Variants in ATG7 observed in about 807,000 individuals in gnomAD.
The protein encoded by ATG7 is ubiquitin-like modifier-activating enzyme ATG7.
Under a neutral mutation model 82.4 loss-of-function variants are expected in ATG7, and 70 were observed. The ratio of observed to expected loss-of-function variants is 0.85; its 90% CI spans 0.70 to 1.04. The LOEUF (loss-of-function observed/expected upper bound fraction) is 1.04, where lower values mean the gene tolerates loss of function less well. ATG7 is among the 50% of genes least tolerant of loss of function. The probability of loss-of-function intolerance (pLI) is 0.00; values close to 1 mark genes in which losing one functional copy is unlikely to be tolerated. For synonymous variants in ATG7, 287 were observed against 313.0 expected (o/e 0.92, Z 0.88); for missense variants, 792 against 864.3 (o/e 0.92, Z 1.05).
At chr3:11,385,584 TC>T (rs1439559262) in intron 19 of ATG7, among the ~76,000 whole-genome samples, 1 of 152,164 alleles carries the variant, frequency 6.6e-6, no homozygotes, top group Non-Finnish European at 1.5e-5. Context: ...CCAATAATGA[TC>T]TGTTCAGTTG....
chr3:11,568,631 G>C, the ATG7 span: 2 of 1,569,502 alleles, frequency 1.3e-6, no homozygotes, highest in Non-Finnish European at 1.7e-6. The surrounding 1 kb of genome is among the most constrained non-coding windows in gnomAD (Gnocchi z 5.9). Context: ...CCTGGTTCCC[G>C]GAGCTTCAAG....
intron 20 of ATG7, among the ~76,000 whole-genome samples, chr3:11,507,724 G>A (rs1352099300): frequency 1.3e-5 from 2 of 152,112 alleles, no homozygotes; most frequent in Non-Finnish European, 2.9e-5. Flanking sequence ...AGGACCCCAG[G>A]GTTAAGAAGC....
chr3:11,508,239 T>TG (rs1009878597), intron 20 of ATG7, among the ~76,000 whole-genome samples: 11 of 150,722 alleles, frequency 7.3e-5, no homozygotes, highest in Admixed American at 2.6e-4. Flanking sequence ...GTGTCTAAGG[T>TG]GGGGGGGTGT....
At chr3:11,429,900 C>A (rs897508246) in intron 20 of ATG7, among the ~76,000 whole-genome samples, 1 of 145,658 alleles carries the variant, frequency 6.9e-6, no homozygotes, top group African/African-American at 2.5e-5. Context: ...GAGCTGAAAT[C>A]GCGCGACTGA....
downstream of ATG7, among the ~76,000 whole-genome samples, chr3:11,560,036 A>C (rs2072836213): frequency 6.6e-6 from 1 of 151,914 alleles, no homozygotes; most frequent in Non-Finnish European, 1.5e-5. Flanking sequence ...TGCCCTGTGC[A>C]CAGCCTCACT....
chr3:11,472,158 G>A (rs1336735027), intron 20 of ATG7, among the ~76,000 whole-genome samples: 1 of 152,126 alleles, frequency 6.6e-6, no homozygotes, highest in Non-Finnish European at 1.5e-5. Context: ...TCTTAAACCT[G>A]AAAAATTCAT....
At chr3:11,403,206 A>G (rs1210730348) in intron 19 of ATG7, among the ~76,000 whole-genome samples, 2 of 152,230 alleles carry the variant, frequency 1.3e-5, no homozygotes, top group South Asian at 2.1e-4. Context: ...TTCGTAGTAA[A>G]TGTAAACTGA....
chr3:11,568,735 C>A, the ATG7 span: 69 of 1,534,810 alleles, frequency 4.5e-5, no homozygotes, highest in African/African-American at 9.0e-4. This position sits in a 1 kb window ranked among gnomAD's most constrained non-coding sequence, Gnocchi z 5.9. Context: ...CGGCAGAAAA[C>A]CGCACGCATC....
At chr3:11,530,904 C>G (rs529852171) in intron 20 of ATG7, among the ~76,000 whole-genome samples, 2 of 152,316 alleles carry the variant, frequency 1.3e-5, no homozygotes, top group South Asian at 2.1e-4. Context: ...TTGCTTGCCC[C>G]TGGGAGGCAG....
chr3:11,325,327 A>G (rs573143131), intron 9 of ATG7, among the ~76,000 whole-genome samples: 13 of 152,176 alleles, frequency 8.5e-5, no homozygotes, highest in Non-Finnish European at 1.2e-4. Context: ...TGTTGTTACT[A>G]TTTGTTAAGC....
intron 9 of ATG7, among the ~76,000 whole-genome samples, chr3:11,329,775 T>A (rs1450145404): frequency 6.6e-6 from 1 of 152,212 alleles, no homozygotes; most frequent in Non-Finnish European, 1.5e-5. Flanking sequence ...CCACGGTTCA[T>A]TTGTCAAAAC....
In ATG7 at chr3:11,298,834, ATTAAGGGTTATT is replaced by A. The variant is rs766027981; in HGVS notation, c.140_151del (p.Ile47_Tyr51delinsAsn). The A allele has an allele frequency of 2.4e-5, 38 of 1,614,070 alleles. No individual in the cohort carries two copies. The highest frequency in any genetic ancestry group is 3.0e-5 in the Non-Finnish European group (35 of 1,180,032). ...TCGGCTGGATGAAGCTCCCAAGGAC[ATTAAGGGTTATT>A]ACTACAATGGTAGGTGATTGTAAAT... On this transcript the variant is annotated inframe_deletion, in exon 4 of 21. Transcript: ENST00000693202.
At chr3:11,400,045 G>T (rs970667333) in intron 19 of ATG7, among the ~76,000 whole-genome samples, 16 of 152,156 alleles carry the variant, frequency 1.1e-4, no homozygotes, top group African/African-American at 3.9e-4. Flanking sequence ...TAGGTGTTCT[G>T]CATGTATGCT....
At chr3:11,485,247 G>A (rs759851379) in intron 20 of ATG7, among the ~76,000 whole-genome samples, 2 of 152,152 alleles carry the variant, frequency 1.3e-5, no homozygotes, top group African/African-American at 4.8e-5. Flanking sequence ...TAACTGGTGT[G>A]AGATATCTCA....
chr3:11,494,312 A>G (rs1017571296), intron 20 of ATG7, among the ~76,000 whole-genome samples: 16 of 152,210 alleles, frequency 1.1e-4, no homozygotes, highest in Admixed American at 6.5e-4. Context: ...GGCAATCATG[A>G]TGGGTGAGGG....
chr3:11,346,562 A>G (rs972224092), intron 13 of ATG7: 1 of 152,234 alleles, frequency 6.6e-6, no homozygotes, highest in Non-Finnish European at 1.5e-5. Flanking sequence ...CCAGGAAACC[A>G]AAAGTTAAGT....
chr3:11,447,474 A>G (rs1419114466), intron 20 of ATG7, among the ~76,000 whole-genome samples: 24 of 151,918 alleles, frequency 1.6e-4, no homozygotes, highest in Admixed American at 1.6e-3. Context: ...CTCAGGGAAA[A>G]AAAAAAAAAA....
intron 20 of ATG7, among the ~76,000 whole-genome samples, chr3:11,462,088 C>T (rs996316697): frequency 1.3e-5 from 2 of 151,898 alleles, no homozygotes; most frequent in African/African-American, 2.4e-5. Flanking sequence ...CCAAATAACT[C>T]GAGGATATCT....
chr3:11,381,419 G>A (rs1371045337), intron 19 of ATG7, among the ~76,000 whole-genome samples: 3 of 152,186 alleles, frequency 2.0e-5, no homozygotes, highest in African/African-American at 7.2e-5. Flanking sequence ...TGTTGGTCTG[G>A]CTAGTCAATG....
Sources: allele counts gnomAD v4.1 joint callset (sites outside exome capture counted in the v4.1 genomes callset), GRCh38; gene constraint gnomAD v4.1.1; non-coding constraint Gnocchi (gnomAD v3.1); transcripts MANE v1.5; gene names NCBI Gene and HGNC (gene_info 2026-07-23, HGNC 2026-07-21).